TTC28: variants seen among roughly 807,000 people sequenced by gnomAD.
The protein encoded by TTC28 is tetratricopeptide repeat domain 28, also known as tetratricopeptide repeat protein 28.
Under a neutral mutation model 198.0 loss-of-function variants are expected in TTC28, and 61 were observed. The ratio of observed to expected loss-of-function variants is 0.31; its 90% CI spans 0.25 to 0.38. TTC28 has a LOEUF of 0.38. TTC28 is among the 10% of genes least tolerant of loss of function. The probability of loss-of-function intolerance (pLI) is 1.00; values close to 1 mark genes in which losing one functional copy is unlikely to be tolerated. For synonymous variants in TTC28, 1,171 were observed against 1,297.8 expected (o/e 0.90, Z 2.10); for missense variants, 2,678 against 3,164.0 (o/e 0.85, Z 3.69).
At chr22:28,524,337 G>T (rs1290677459) in intron 2 of TTC28, among the ~76,000 whole-genome samples, 1 of 151,664 alleles carries the variant, frequency 6.6e-6, no homozygotes, top group Non-Finnish European at 1.5e-5. Context: ...GCGGGCGCCT[G>T]TAGTCCCAGC....
At chr22:28,397,441 G>A (rs898053875) in intron 2 of TTC28, among the ~76,000 whole-genome samples, 2 of 152,236 alleles carry the variant, frequency 1.3e-5, no homozygotes, top group Admixed American at 6.5e-5. Context: ...GAATGAGACT[G>A]TATTTAATGA....
intron 5 of TTC28, among the ~76,000 whole-genome samples, chr22:28,278,492 G>A (rs2145727594): frequency 6.6e-6 from 1 of 152,276 alleles, no homozygotes; most frequent in East Asian, 1.9e-4. Context: ...ATTGAAGCAA[G>A]TCACTTGATG....
At chr22:28,226,419 C>T (rs181566139) in intron 5 of TTC28, among the ~76,000 whole-genome samples, 2 of 152,038 alleles carry the variant, frequency 1.3e-5, no homozygotes, top group East Asian at 3.9e-4. Context: ...CTGTTCTCTT[C>T]TCTTCTTTTC....
chr22:28,278,703 C>T (rs754721094), intron 5 of TTC28, among the ~76,000 whole-genome samples: 1 of 152,178 alleles, frequency 6.6e-6, no homozygotes, highest in Non-Finnish European at 1.5e-5. Flanking sequence ...TCTGGCCATA[C>T]AAATCAAAAA....
intron 5 of TTC28, among the ~76,000 whole-genome samples, chr22:28,196,680 A>G (rs1273898902): frequency 1.3e-5 from 2 of 152,238 alleles, no homozygotes; most frequent in Non-Finnish European, 2.9e-5. Context: ...CAAAAAACAC[A>G]TGAAAAAATG....
At chr22:28,083,749 T>A (rs570106460) in intron 12 of TTC28, among the ~76,000 whole-genome samples, 7 of 152,152 alleles carry the variant, frequency 4.6e-5, no homozygotes, top group Non-Finnish European at 1.0e-4. Flanking sequence ...GGTCAGGGAA[T>A]TCCCTTTCCT....
In TTC28 at chr22:28,122,024, C is replaced by T. The variant is rs149582203; in HGVS notation, c.1442-13621G>A. Among the ~76,000 whole-genome samples, 32 of 152,202 alleles carry T rather than the reference C, an allele frequency of 2.1e-4. No individual in the cohort carries two copies. The East Asian group carries it at 5.4e-3, about 26-fold the overall frequency. ...CTGGGATTACAGGAGCACGCCACCA[C>T]GCCCAGCTAATTTTTGTATTTTTAG... On this transcript the variant is annotated intron_variant, in intron 6 of 22. Coordinates refer to ENST00000397906, the MANE Select transcript of TTC28 (RefSeq NM_001145418.2).
chr22:27,983,498 C>T lies in TTC28; in HGVS notation c.6169G>A (p.Glu2057Lys). 6.5e-7 allele frequency: 1 copy of T among 1,548,008 alleles called. No individual in the cohort carries two copies. Among genetic ancestry groups the T allele is most frequent in the Non-Finnish European group, 8.7e-7 (1 of 1,146,090 alleles). ...TCGTTACTGATGATAGAAAACCCTTCATATTCTTCTTCATCTTTGTTGCCT... is the reference window on the plus strand; with the variant it reads ...TCGTTACTGATGATAGAAAACCCTTTATATTCTTCTTCATCTTTGTTGCCT... ...PAGNKDEEEY[E>K]GFSIISNEPL... The change falls in exon 23 of 23, where the codon GAA (glutamate) becomes AAA (lysine). Residue 2057 changes from glutamate (E) to lysine (K), a missense_variant. By Grantham distance (56) the Glu-to-Lys change is moderately conservative. Coordinates refer to ENST00000397906, the MANE Select transcript of TTC28 (RefSeq NM_001145418.2).
intron 2 of TTC28, among the ~76,000 whole-genome samples, chr22:28,621,022 T>TA (rs2050986199): frequency 6.6e-6 from 1 of 152,204 alleles, no homozygotes; most frequent in Non-Finnish European, 1.5e-5. Context: ...GTTGATAATG[T>TA]AAAAAAGACT....
chr22:28,249,893 A>T (rs1244560562), intron 5 of TTC28, among the ~76,000 whole-genome samples: 1 of 152,202 alleles, frequency 6.6e-6, no homozygotes, highest in Non-Finnish European at 1.5e-5. Flanking sequence ...TCACTGTTTC[A>T]TGTTGAGACC....
intron 2 of TTC28, among the ~76,000 whole-genome samples, chr22:28,599,554 C>A (rs1036998342): frequency 6.6e-6 from 1 of 152,014 alleles, no homozygotes; most frequent in African/African-American, 2.4e-5. Context: ...TTTGGAAGGC[C>A]GAGGTGGGAG....
At chr22:28,104,430 A>G (rs935081141) in intron 8 of TTC28, among the ~76,000 whole-genome samples, 3 of 152,208 alleles carry the variant, frequency 2.0e-5, no homozygotes, top group Non-Finnish European at 4.4e-5. Flanking sequence ...AGCCCCCTGG[A>G]AATGAGAGTT....
At chr22:28,421,317 C>A (rs2047249769) in intron 2 of TTC28, among the ~76,000 whole-genome samples, 2 of 152,150 alleles carry the variant, frequency 1.3e-5, no homozygotes, top group Admixed American at 1.3e-4. Flanking sequence ...CGCTGGAAAA[C>A]TGATTTGTCT....
chr22:28,652,955 T>G (rs2051586531), intron 1 of TTC28, among the ~76,000 whole-genome samples: 1 of 152,220 alleles, frequency 6.6e-6, no homozygotes, highest in Non-Finnish European at 1.5e-5. Context: ...TTTCCTGTTC[T>G]GAAAGGTTTT....
chr22:28,662,935 G>T (rs1016804052), intron 1 of TTC28, among the ~76,000 whole-genome samples: 2 of 152,020 alleles, frequency 1.3e-5, no homozygotes, highest in African/African-American at 4.8e-5. Context: ...ATCAGGAAAT[G>T]CAATACACTT....
chr22:28,066,341 G>A (rs1940753642), intron 12 of TTC28, among the ~76,000 whole-genome samples: 2 of 151,838 alleles, frequency 1.3e-5, no homozygotes. Flanking sequence ...GCATGCATGT[G>A]TAGGACACTT....
rs1400822777 is a variant in TTC28, at chr22:28,527,502, CAAATGG to C, written c.381+102044_381+102049del. Among the ~76,000 whole-genome samples, 8 of 152,296 alleles carry C rather than the reference CAAATGG, an allele frequency of 5.3e-5. No individual in the cohort carries two copies. The East Asian group carries it at 1.5e-3, about 29-fold the overall frequency. The stretch of plus-strand genomic sequence containing the variant: ...TGCAAACCAGAAACTTCTCTGCCAT[CAAATGG>C]GCTACAACTACATCTTCTCCAACAA... On this transcript the variant is annotated intron_variant, in intron 2 of 22. Coordinates refer to ENST00000397906, the MANE Select transcript of TTC28 (RefSeq NM_001145418.2).
At chr22:28,315,562 G>A (rs2045338271) in intron 2 of TTC28, among the ~76,000 whole-genome samples, 1 of 152,066 alleles carries the variant, frequency 6.6e-6, no homozygotes, top group Non-Finnish European at 1.5e-5. Flanking sequence ...CTTATATAAG[G>A]TGCAAAACAG....
At chr22:28,654,930 C>CTTT (rs2051620311) in intron 1 of TTC28, among the ~76,000 whole-genome samples, 1 of 152,138 alleles carries the variant, frequency 6.6e-6, no homozygotes, top group African/African-American at 2.4e-5. Flanking sequence ...AGCAGAACAG[C>CTTT]TTTTTAGAGC....
Sources: allele counts gnomAD v4.1 joint callset (sites outside exome capture counted in the v4.1 genomes callset), GRCh38; gene constraint gnomAD v4.1.1; transcripts MANE v1.5; gene names NCBI Gene and HGNC (gene_info 2026-07-23, HGNC 2026-07-21).